ANK3: variants seen among roughly 807,000 people sequenced by gnomAD.
ANK3 encodes the protein ankyrin 3, also known as ankyrin-3.
Under a neutral mutation model 370.9 loss-of-function variants are expected in ANK3, and 57 were observed. The ratio of observed to expected loss-of-function variants is 0.15; its 90% confidence interval spans 0.12 to 0.19. The LOEUF (loss-of-function observed/expected upper bound fraction) is 0.19. Among genes scored for constraint, ANK3 ranks in the 10% least tolerant of loss-of-function variants. The pLI is 1.00. For synonymous variants in ANK3, 1,929 were observed against 1,946.3 expected (o/e 0.99, Z 0.23); for missense variants, 4,439 against 5,302.1 (o/e 0.84, Z 5.06).
Position 60,074,555 on chromosome 10 carries a change from A to G in ANK3, c.6326T>C (p.Leu2109Ser). The change falls in exon 37 of 44, where the codon TTA (leucine) becomes TCA (serine). Residue 2109 changes from leucine (L) to serine (S), a missense_variant. Leu to Ser is a moderately radical substitution (Grantham distance 145). Around this residue, in one of 13 missense-constraint regions of ANK3, gnomAD observed 679 missense variants for 791.0 expected, o/e 0.86. Coordinates refer to ENST00000280772, the MANE Select transcript of ANK3 (RefSeq NM_020987.5). ...ADSFFGTDTILESPDDFSQHD... is the reference protein window; with the variant it reads ...ADSFFGTDTISESPDDFSQHD... The stretch of plus-strand genomic sequence containing the variant: ...TTGAGAAAAGTCATCAGGAGACTCT[A>G]AAATAGTATCTGTTCCAAAAAAGGA... The G allele has an allele frequency of 6.2e-7, 1 of 1,614,126 alleles. No homozygotes were observed. Among genetic ancestry groups the G allele is most frequent in the South Asian group, 1.1e-5 (1 of 91,066 alleles).
chr10:60,717,992 T>A (rs1463330629), intron 1 of ANK3, among the ~76,000 whole-genome samples: 1 of 152,246 alleles, frequency 6.6e-6, no homozygotes, highest in African/African-American at 2.4e-5. Context: ...GTTTCATTGG[T>A]TACAGCTCAA....
intron 7 of ANK3, among the ~76,000 whole-genome samples, chr10:60,240,302 A>ATTTT (rs1170312298): frequency 3.4e-5 from 3 of 88,128 alleles, no homozygotes; most frequent in African/African-American, 8.8e-5. Flanking sequence ...ATATATATAT[A>ATTTT]TATATTTTTT....
chr10:60,431,643 G>A (rs976230078), intron 2 of ANK3, among the ~76,000 whole-genome samples: 7 of 152,142 alleles, frequency 4.6e-5, no homozygotes, highest in African/African-American at 1.4e-4. Flanking sequence ...ACTGAGGCCT[G>A]TTAGCTGGTG....
At chr10:60,563,073 G>C (rs931572379) in intron 2 of ANK3, among the ~76,000 whole-genome samples, 3 of 152,032 alleles carry the variant, frequency 2.0e-5, no homozygotes, top group Non-Finnish European at 4.4e-5. Context: ...TAGTAATCAG[G>C]ACTCTTTTTT....
intron 42 of ANK3, chr10:60,044,685 G>T (rs904265396): frequency 6.6e-6 from 1 of 152,160 alleles, no homozygotes; most frequent in Non-Finnish European, 1.5e-5. Flanking sequence ...GCTCTGATTA[G>T]ATCGTCTCAC....
At chr10:60,500,513 A>G (rs1341946904) in intron 2 of ANK3, among the ~76,000 whole-genome samples, 1 of 152,152 alleles carries the variant, frequency 6.6e-6, no homozygotes, top group Non-Finnish European at 1.5e-5. Context: ...CAGTTGCTTA[A>G]CCTACTCTAG....
intron 6 of ANK3, among the ~76,000 whole-genome samples, chr10:60,263,421 T>G (rs1272986823): frequency 6.6e-6 from 1 of 152,228 alleles, no homozygotes; most frequent in African/African-American, 2.4e-5. Flanking sequence ...TGGCATGCTT[T>G]CCGCAGCTGA....
rs2064701533 is a variant in ANK3 at position 60,454,687 on chromosome 10, C to T, written c.96+160499G>A. Among the ~76,000 whole-genome samples, 4 of 152,162 alleles carry T rather than the reference C, an allele frequency of 2.6e-5. No individual in the cohort carries two copies. The South Asian group carries it at 8.3e-4, about 32-fold the overall frequency. ...ACATACACAAAAGGGTTCTGCTGTT[C>T]AATTTGACTCTACCTGCAAATCAAA... is the stretch of plus-strand genomic sequence containing the variant. On this transcript the variant is annotated intron_variant, in intron 2 of 43. Coordinates refer to the ANK3 transcript ENST00000373827.
chr10:60,205,432 A>C (rs552627417), intron 11 of ANK3, among the ~76,000 whole-genome samples: 21 of 152,324 alleles, frequency 1.4e-4, no homozygotes, highest in African/African-American at 5.1e-4. Flanking sequence ...TGTGACAATT[A>C]AAAGTACCTC....
intron 9 of ANK3, among the ~76,000 whole-genome samples, chr10:60,210,678 G>A (rs559775959): frequency 2.6e-5 from 4 of 152,128 alleles, no homozygotes; most frequent in Non-Finnish European, 4.4e-5. Context: ...AAATCTAGAA[G>A]GGCACACATG....
At chr10:60,570,567 G>A (rs2077569011) in intron 2 of ANK3, among the ~76,000 whole-genome samples, 1 of 152,092 alleles carries the variant, frequency 6.6e-6, no homozygotes, top group South Asian at 2.1e-4. Context: ...GAAATATAAT[G>A]AGGGGGAAAA....
At position 60,305,714 on chromosome 10, in the gene ANK3, G is replaced by A. The variant is rs2044879648; in HGVS notation, c.115-26075C>T. Among the ~76,000 whole-genome samples the A allele has an allele frequency of 2.0e-5, 3 of 152,096 alleles. No individual in the cohort carries two copies. The South Asian group carries it at 6.2e-4, about 32-fold the overall frequency. On this transcript the variant is annotated intron_variant, in intron 1 of 43. Coordinates refer to ENST00000280772, the MANE Select transcript of ANK3 (RefSeq NM_020987.5). ...GAAGACTAATAATTCCCATAATTGTGTCTTTCAACCCACCCCCTGGCCAGG... is the reference window on the plus strand; with the variant it reads ...GAAGACTAATAATTCCCATAATTGTATCTTTCAACCCACCCCCTGGCCAGG...
chr10:60,190,185 G>T (rs2096449782), intron 16 of ANK3, among the ~76,000 whole-genome samples: 1 of 152,140 alleles, frequency 6.6e-6, no homozygotes, highest in South Asian at 2.1e-4. Flanking sequence ...GAGAAGAAAG[G>T]AGAAGAAAGG....
At chr10:60,619,449 A>G (rs936417505) in intron 1 of ANK3, among the ~76,000 whole-genome samples, 1 of 152,216 alleles carries the variant, frequency 6.6e-6, no homozygotes, top group Non-Finnish European at 1.5e-5. Flanking sequence ...TTATAATTAA[A>G]TTTAGTGGAA....
At chr10:60,336,987 G>T (rs1460885890) in intron 1 of ANK3, among the ~76,000 whole-genome samples, 1 of 151,524 alleles carries the variant, frequency 6.6e-6, no homozygotes, top group Non-Finnish European at 1.5e-5. Context: ...CTGCAGAAAG[G>T]AATTGCTGCT....
chr10:60,401,655 A>C lies in ANK3; in HGVS notation c.97-122016T>G, dbSNP rs867504342. 8.5e-5 allele frequency among the ~76,000 whole-genome samples: 13 copies of C among 152,362 alleles called. 1 individual carries two copies. In the Middle Eastern group the frequency reaches 0.014, roughly 159 times the overall value. The stretch of plus-strand genomic sequence containing the variant: ...GTATTATGTGTTAACATATATAATG[A>C]ATATCCATGCAAATCACTAAGTCCT... On this transcript the variant is annotated intron_variant, in intron 2 of 43. Coordinates refer to the ANK3 transcript ENST00000373827.
chr10:60,333,311 C>A (rs1201129170), intron 1 of ANK3, among the ~76,000 whole-genome samples: 1 of 152,052 alleles, frequency 6.6e-6, no homozygotes, highest in Admixed American at 6.6e-5. Context: ...ACCCCAACCC[C>A]CCGACAGGCC....
chr10:60,699,583 T>G (rs2079518461), intron 1 of ANK3, among the ~76,000 whole-genome samples: 1 of 151,388 alleles, frequency 6.6e-6, no homozygotes, highest in Admixed American at 6.6e-5. Flanking sequence ...ACAATTATTT[T>G]AAATCAATAC....
At chr10:60,039,235 G>C (rs1425881174) in intron 43 of ANK3, among the ~76,000 whole-genome samples, 2 of 152,220 alleles carry the variant, frequency 1.3e-5, no homozygotes, top group Non-Finnish European at 2.9e-5. Context: ...GCCTTGACAA[G>C]CATGGGCACT....
Sources: allele counts gnomAD v4.1 joint callset (sites outside exome capture counted in the v4.1 genomes callset), GRCh38; gene constraint gnomAD v4.1.1; regional missense constraint gnomAD v4.1.1; transcripts MANE v1.5; gene names NCBI Gene and HGNC (gene_info 2026-07-23, HGNC 2026-07-21).